The following LARGE2 variants were observed in gnomAD, a reference collection of about 807,000 sequenced individuals.
The protein encoded by LARGE2 is LARGE xylosyl- and glucuronyltransferase 2, also known as xylosyl- and glucuronyltransferase LARGE2.
Under a neutral mutation model 75.3 loss-of-function variants are expected in LARGE2, and 63 were observed. That is an observed-to-expected ratio of 0.84 (90% confidence interval 0.68 to 1.03). The LOEUF (loss-of-function observed/expected upper bound fraction) is 1.03. LARGE2 is among the 50% of genes least tolerant of loss of function. The pLI is 0.00. For missense variants in LARGE2, 925 were observed against 980.6 expected, an observed-to-expected ratio of 0.94 and a Z score of 0.76; for synonymous variants, 428 against 420.1, an observed-to-expected ratio of 1.02 and a Z score of -0.23.
chr11:45,926,241 T>G lies in LARGE2; in HGVS notation c.902T>G (p.Ile301Ser), dbSNP rs1428553267. 3.1e-6 allele frequency: 5 copies of G among 1,614,028 alleles called. No individual in the cohort carries two copies. Among genetic ancestry groups the G allele is most frequent in the Non-Finnish European group, 4.2e-6 (5 of 1,180,006 alleles). Residue 301 changes from isoleucine (I) to serine (S), a missense_variant, in exon 8 of 14, where the codon ATC becomes AGC. Physicochemically the swap from Ile to Ser is moderately radical, Grantham distance 142. Coordinates refer to ENST00000401752, the MANE Select transcript of LARGE2 (RefSeq NM_001300721.2). Reference sequence around the variant, plus strand: ...GCTCAGGACATCTTCAACGCTGTGATCAAGGAGCACCCGGGGCTAGTGCAG... The same window carrying G: ...GCTCAGGACATCTTCAACGCTGTGAGCAAGGAGCACCCGGGGCTAGTGCAG... ...LADQDIFNAV[I>S]KEHPGLVQRL...
Position 45,924,671 on chromosome 11 carries a change from T to G in LARGE2, c.658T>G (p.Phe220Val). Residue 220 changes from phenylalanine (F) to valine (V), a missense_variant, in exon 5 of 14, where the codon TTT (phenylalanine) becomes GTT (valine). By Grantham distance (50) the Phe-to-Val change is conservative (BLOSUM62 -1). Coordinates refer to ENST00000401752, the MANE Select transcript of LARGE2 (RefSeq NM_001300721.2). ...GGAGCTCTGGGCCCTCTTTGCTCAC[T>G]TTTCTGGTGAGAGGCCTGGGAGCCT... ...ISELWALFAH[F>V]SDTQAIGLVE... The G allele has an allele frequency of 6.2e-7, 1 of 1,610,822 alleles. No homozygotes were observed. The highest frequency in any genetic ancestry group is 8.5e-7 in the Non-Finnish European group (1 of 1,178,452).
At chr11:45,923,675 T>C (rs1395424592) in intron 3 of LARGE2, 120 bp downstream of exon 3, 1 of 883,032 alleles carries the variant, frequency 1.1e-6, no homozygotes, top group Non-Finnish European at 1.8e-6. Context: ...GTCCCCTTCC[T>C]CCCTTAGAAG....
chr11:45,925,977 C>T (rs1196636638), intron 6 of LARGE2, 62 bp from the exon 7 acceptor site: 10 of 1,413,772 alleles, frequency 7.1e-6, no homozygotes, highest in Non-Finnish European at 8.7e-6. Flanking sequence ...ACCTTCATGA[C>T]CCCCATGTCC....
chr11:45,923,317 C>T (rs2086998599), intron 2 of LARGE2, 150 bp downstream of exon 2: 1 of 1,106,500 alleles, frequency 9.0e-7, no homozygotes, highest in African/African-American at 1.6e-5. Context: ...CTCCTCTGCT[C>T]CCGACCTCAT....
At position 45,926,816 on chromosome 11, in the gene LARGE2, C is replaced by G. The variant is rs372819981; in HGVS notation, c.1270C>G (p.Pro424Ala). Residue 424 changes from proline to alanine, a missense_variant, in exon 10 of 14, where the codon CCG (proline) becomes GCG (alanine). Physicochemically the swap from Pro to Ala is conservative, Grantham distance 27. Around this residue, in one of 3 missense-constraint regions of LARGE2, gnomAD observed 469 missense variants for 503.8 expected, o/e 0.93. Transcript: ENST00000401752. ...RVHVTFLPHE[P>A]PPPRPHDVTL... is the part of the protein sequence containing the mutation. ...GCATGTCACTTTCCTGCCCCATGAACCGCCACCCCCCCGGCCTCACGATGT... is the reference window on the plus strand; with the variant it reads ...GCATGTCACTTTCCTGCCCCATGAAGCGCCACCCCCCCGGCCTCACGATGT... 6.2e-7 allele frequency: 1 copy of G among 1,613,388 alleles called. No individual in the cohort carries two copies. The highest frequency in any genetic ancestry group is 1.3e-5 in the African/African-American group (1 of 74,916).
chr11:45,924,600 G>T lies in LARGE2; in HGVS notation c.587G>T (p.Arg196Leu), dbSNP rs746673024. The T allele has an allele frequency of 6.2e-7, 1 of 1,613,944 alleles. No homozygotes were observed. Among genetic ancestry groups the T allele is most frequent in the Non-Finnish European group, 8.5e-7 (1 of 1,180,022 alleles). The change falls in exon 5 of 14, where the codon CGC becomes CTC. Residue 196 changes from arginine to leucine, a missense_variant. Coordinates refer to ENST00000401752, the MANE Select transcript of LARGE2 (RefSeq NM_001300721.2). ...AGTGCCTTGCCTGCTGAGCTGGCCC[G>T]CGTCATTGTCCTGGACACGGATGTC... The part of the protein sequence containing the change: ...LPSALPAELA[R>L]VIVLDTDVTF...
chr11:45,927,283 G>T (rs1390640085), intron 10 of LARGE2, 32 bp from the exon 11 acceptor site: 1 of 1,594,136 alleles, frequency 6.3e-7, no homozygotes, highest in Admixed American at 1.7e-5. Context: ...TGCAAGAGGG[G>T]CAGAGCTGTG....
intron 6 of LARGE2, 102 bp downstream of exon 6, chr11:45,924,991 C>A: frequency 3.1e-6 from 2 of 655,072 alleles, no homozygotes; most frequent in Non-Finnish European, 5.0e-6. Flanking sequence ...CCAGGAAGAA[C>A]ATTGCTGTGA....
intron 13 of LARGE2, 83 bp from the exon 14 acceptor site, chr11:45,928,547 G>C (rs1338093602): frequency 1.3e-6 from 2 of 1,565,574 alleles, no homozygotes; most frequent in South Asian, 2.4e-5. Context: ...AGGGGCTACA[G>C]GGTAAGCCTG....
rs939105 is a variant in LARGE2, at chr11:45,927,983, C to T, written c.1668C>T (p.Phe556=). 1,341,940 of 1,613,670 alleles carry T rather than the reference C, an allele frequency of 0.83. 577,859 individuals are homozygous for T. The highest frequency in any genetic ancestry group is 0.9 in the Non-Finnish European group (1,057,938 of 1,179,984). The stretch of plus-strand genomic sequence containing the variant: ...AGGCAGCACTGGTGGTGCCGGCATT[C>T]GAGACCCTGCGCTACCGCTTCAGCT... The part of the protein sequence containing the change: ...RRKAALVVPA[F]ETLRYRFSFP... The change falls in exon 12 of 14, where the codon TTC becomes TTT. Residue 556 remains phenylalanine, a synonymous_variant. Transcript: ENST00000401752.
At position 45,928,645 on chromosome 11, in the gene LARGE2, G is replaced by A; in HGVS notation, c.1966G>A (p.Val656Met). The change falls in exon 14 of 14, where the codon GTG becomes ATG. Residue 656 changes from valine (V) to methionine (M), a missense_variant. Physicochemically the swap from Val to Met is conservative, Grantham distance 21. Transcript: ENST00000401752. ...CACCCTGCAGGAATATGAGCTCCTG[G>A]TGCTGCCCGAGGCCTTCACCATCCA... ...ELDAQEYELLVLPEAFTIHLP... is the reference protein window; with the variant it reads ...ELDAQEYELLMLPEAFTIHLP... 1.2e-6 allele frequency: 2 copies of A among 1,613,942 alleles called. No individual in the cohort carries two copies. The highest frequency in any genetic ancestry group is 1.1e-5 in the South Asian group (1 of 91,064).
rs144784050 is a variant in LARGE2 at position 45,925,451 on chromosome 11, T to C, written c.769+562T>C. ...CAGGCAGATTACTTGAGGTCAGGAG[T>C]TCGAGACCAACCTGGCCAACATGGT... On this transcript the variant is annotated intron_variant, in intron 6 of 13. Coordinates refer to ENST00000401752, the MANE Select transcript of LARGE2 (RefSeq NM_001300721.2). Among the ~76,000 whole-genome samples the C allele has an allele frequency of 4.3e-3, 658 of 152,120 alleles. 5 individuals are homozygous for C. The highest frequency in any genetic ancestry group is 0.015 in the African/African-American group (634 of 41,476).
rs770928472 is a variant in LARGE2, at chr11:45,926,747, C to G, written c.1201C>G (p.Pro401Ala). Reference sequence around the variant, plus strand: ...CCTGGCACAACTGGACGAGGAAGACCCCTGCTTTGAGTTCCGGCAGCAGCA... The same window carrying G: ...CCTGGCACAACTGGACGAGGAAGACGCCTGCTTTGAGTTCCGGCAGCAGCA... ...QALAQLDEED[P>A]CFEFRQQQLT... The change falls in exon 10 of 14, where the codon CCC becomes GCC. Residue 401 changes from proline to alanine, a missense_variant. Around this residue, in one of 3 missense-constraint regions of LARGE2, gnomAD observed 469 missense variants for 503.8 expected, o/e 0.93. Coordinates refer to ENST00000401752, the MANE Select transcript of LARGE2 (RefSeq NM_001300721.2). The G allele has an allele frequency of 6.2e-7, 1 of 1,613,694 alleles. No homozygotes were observed. The highest frequency in any genetic ancestry group is 8.5e-7 in the Non-Finnish European group (1 of 1,179,972).
At chr11:45,923,335 T>C in intron 2 of LARGE2, 138 bp from the exon 3 acceptor site, 1 of 1,084,738 alleles carries the variant, frequency 9.2e-7, no homozygotes. Flanking sequence ...CATTTCCCCA[T>C]TTGAAATGAA....
chr11:45,922,525 C>T (rs1264626065), upstream of LARGE2, among the ~76,000 whole-genome samples: 2 of 152,070 alleles, frequency 1.3e-5, no homozygotes, highest in African/African-American at 2.4e-5. Flanking sequence ...GGGGGCTCCT[C>T]GCGGGCTGGG....
rs775582149 is a variant in LARGE2 at position 45,924,788 on chromosome 11, C to T, written c.668C>T (p.Thr223Met). 1.9e-5 allele frequency: 29 copies of T among 1,504,222 alleles called. No homozygotes were observed. The South Asian group carries it at 2.6e-4, about 14-fold the overall frequency. 93.2% of individuals were successfully genotyped at this position (1,504,222 alleles called of 1,614,324 possible). Residue 223 changes from threonine to methionine, a missense_variant, in exon 6 of 14, where the codon ACG becomes ATG. Coordinates refer to ENST00000401752, the MANE Select transcript of LARGE2 (RefSeq NM_001300721.2). ...CCCTTATGCCCTCCCCTCCCAGACA[C>T]GCAGGCGATCGGTCTTGTGGAGAAC... ...LWALFAHFSD[T>M]QAIGLVENQS...
At position 45,926,647 on chromosome 11, in the gene LARGE2, G is replaced by A. The variant is rs1469215016; in HGVS notation, c.1164+50G>A. On this transcript the variant is annotated intron_variant, in intron 9 of 13. Coordinates refer to ENST00000401752, the MANE Select transcript of LARGE2 (RefSeq NM_001300721.2). ...CCCCTCTCTGCTTTGGTGGGACCCA[G>A]CCTTGTCTGGGGGATGTGTTGTTCT... The A allele has an allele frequency of 2.5e-6, 4 of 1,612,806 alleles. No homozygotes were observed. In the South Asian group the frequency reaches 4.4e-5, roughly 18 times the overall value.
At chr11:45,922,367 G>A (rs1304077378), upstream of LARGE2, among the ~76,000 whole-genome samples, 1 of 152,158 alleles carries the variant, frequency 6.6e-6, no homozygotes, top group Non-Finnish European at 1.5e-5. Flanking sequence ...CTCCCCTTGG[G>A]GAGTGAGGGG....
At chr11:45,923,258 C>T in intron 2 of LARGE2, 91 bp downstream of exon 2, 1 of 1,291,012 alleles carries the variant, frequency 7.7e-7, no homozygotes. Context: ...CAGTACCTGG[C>T]GTCTGTCCAG....
Sources: gnomAD v4.1 joint callset for allele counts (sites outside exome capture counted in the v4.1 genomes callset) on GRCh38, gnomAD v4.1.1 for gene constraint, gnomAD v4.1.1 regional missense constraint, MANE v1.5 for transcripts, NCBI Gene and HGNC (gene_info 2026-07-23, HGNC 2026-07-21) for gene names.